NUDC: variants seen among roughly 807,000 people sequenced by gnomAD.
NUDC encodes nuclear migration protein nudC.
Under a neutral mutation model 45.0 loss-of-function variants are expected in NUDC, and 14 were observed. The ratio of observed to expected loss-of-function variants is 0.31; its 90% CI spans 0.21 to 0.49. The LOEUF is 0.49. Among genes scored for constraint, NUDC ranks in the 20% least tolerant of loss-of-function variants. NUDC has a pLI of 0.99. For missense variants in NUDC, 323 were observed against 426.2 expected, an observed-to-expected ratio of 0.76 and a Z score of 2.13; for synonymous variants, 153 against 156.7, an observed-to-expected ratio of 0.98 and a Z score of 0.17.
At chr1:26,936,165 A>T (rs868268018) in intron 2 of NUDC, among the ~76,000 whole-genome samples, 5 of 10,498 alleles carry the variant, frequency 4.8e-4, no homozygotes, top group African/African-American at 1.5e-3. Context: ...ATATATATAT[A>T]TTTTTTTTTT....
At chr1:26,916,175 C>T (rs2082061040) in intron 3 of NUDC, among the ~76,000 whole-genome samples, 1 of 150,538 alleles carries the variant, frequency 6.6e-6, no homozygotes, top group African/African-American at 2.4e-5. Flanking sequence ...TCACTTGAGG[C>T]TTCAGGAGTT....
At chr1:26,927,264 C>CGTGTGTTTGT (rs371488078) in intron 2 of NUDC, among the ~76,000 whole-genome samples, 1 of 91,804 alleles carries the variant, frequency 1.1e-5, no homozygotes, top group African/African-American at 4.8e-5. Flanking sequence ...AGAGATGAAC[C>CGTGTGTTTGT]GTGTGTGTGT....
chr1:26,932,340 C>G (rs2082190588), intron 2 of NUDC, among the ~76,000 whole-genome samples: 1 of 151,940 alleles, frequency 6.6e-6, no homozygotes, highest in African/African-American at 2.4e-5. Flanking sequence ...CCATGCCGGG[C>G]TAATTATTGT....
In NUDC at chr1:26,924,081, T is replaced by A. The variant is rs370954470; in HGVS notation, c.82-8T>A. 67 of 1,613,704 alleles carry A rather than the reference T, an allele frequency of 4.2e-5. No homozygotes were observed. Among genetic ancestry groups the A allele is most frequent in the Non-Finnish European group, 5.5e-5 (65 of 1,179,800 alleles). On this transcript the variant is annotated splice_region_variant and splice_polypyrimidine_tract_variant and intron_variant, in intron 1 of 8. Coordinates refer to ENST00000321265, the MANE Select transcript of NUDC (RefSeq NM_006600.4). ...CTCTACTACTTTAATCTTCTCCCCC[T>A]CTTTCAGCTTGTGAACACCTTCTTC...
intron 2 of NUDC, among the ~76,000 whole-genome samples, chr1:26,932,594 A>G (rs1374725600): frequency 2.0e-5 from 3 of 152,064 alleles, no homozygotes; most frequent in African/African-American, 7.2e-5. Context: ...AAGTTCTAGG[A>G]TAACAGATGT....
exon 3 of NUDC, chr1:26,911,169 T>C (rs1230752048): frequency 2.1e-6 from 1 of 470,868 alleles, no homozygotes; most frequent in Non-Finnish European, 4.4e-6. Flanking sequence ...GAAATGGCAG[T>C]GAACTTGTCT....
intron 2 of NUDC, among the ~76,000 whole-genome samples, chr1:26,903,983 C>T (rs982131925): frequency 9.0e-5 from 13 of 144,252 alleles, no homozygotes; most frequent in Non-Finnish European, 1.4e-4. Flanking sequence ...TGCACTCCAG[C>T]CTGGGTGACA....
At chr1:26,927,478 A>G (rs1481126412) in intron 2 of NUDC, among the ~76,000 whole-genome samples, 1 of 151,106 alleles carries the variant, frequency 6.6e-6, no homozygotes, top group Non-Finnish European at 1.5e-5. Flanking sequence ...GCTCACTGCA[A>G]TCCCCGCCTC....
chr1:26,908,400 G>A (rs1225342461), intron 2 of NUDC, among the ~76,000 whole-genome samples: 2 of 152,142 alleles, frequency 1.3e-5, no homozygotes, highest in Non-Finnish European at 2.9e-5. Flanking sequence ...TATCTCTTTA[G>A]TTTTGCCATA....
chr1:26,940,877 G>A (rs1020432298), intron 2 of NUDC, among the ~76,000 whole-genome samples: 2 of 151,566 alleles, frequency 1.3e-5, no homozygotes, highest in Non-Finnish European at 2.9e-5. Context: ...TAGTAGAGAC[G>A]GGGTTTCACC....
intron 2 of NUDC, among the ~76,000 whole-genome samples, chr1:26,904,331 A>C (rs1343539623): frequency 6.6e-6 from 1 of 151,266 alleles, no homozygotes; most frequent in Non-Finnish European, 1.5e-5. Context: ...CACCACACCC[A>C]GCTAATTTTT....
intron 2 of NUDC, among the ~76,000 whole-genome samples, chr1:26,933,031 G>A (rs905304245): frequency 1.3e-5 from 2 of 151,744 alleles, no homozygotes; most frequent in Non-Finnish European, 2.9e-5. Context: ...GCAGTGGCAC[G>A]ATCTTGGCTC....
intron 2 of NUDC, among the ~76,000 whole-genome samples, chr1:26,927,653 C>T (rs1480245516): frequency 6.6e-6 from 1 of 151,942 alleles, no homozygotes; most frequent in Non-Finnish European, 1.5e-5. Context: ...GCTTCGGCCC[C>T]TCAAAGTGCT....
At chr1:26,904,946 C>A (rs187721946) in intron 2 of NUDC, among the ~76,000 whole-genome samples, 86 of 150,674 alleles carry the variant, frequency 5.7e-4, no homozygotes, top group African/African-American at 2.0e-3. Context: ...AAGTGATTCT[C>A]CTGCATCAGC....
intron 3 of NUDC, chr1:26,914,088 T>G: frequency 5.1e-6 from 3 of 587,918 alleles, no homozygotes; most frequent in Non-Finnish European, 5.1e-6. Flanking sequence ...ACACAGACAT[T>G]GCCCCTGGCA....
At chr1:26,908,120 A>G (rs914049374) in intron 2 of NUDC, among the ~76,000 whole-genome samples, 1 of 152,094 alleles carries the variant, frequency 6.6e-6, no homozygotes, top group Non-Finnish European at 1.5e-5. Context: ...CGGAGGTTGC[A>G]GTGAGCCGAG....
chr1:26,911,650 G>A lies in NUDC; in HGVS notation c.93+415G>A, dbSNP rs1339347871. ...GTGGGGACCACCAAAAGCCTCCCAG[G>A]CAGCTGGAACACTGTGTCCAAACCA... On this transcript the variant is annotated intron_variant, in intron 3 of 6. Transcript: ENST00000435827. The A allele has an allele frequency of 4.6e-6, 3 of 645,832 alleles. No homozygotes were observed. In the African/African-American group the frequency reaches 5.4e-5, roughly 12 times the overall value. The allele number at this position is 645,832 out of a possible 1,614,324, so 40.0% of individuals were successfully genotyped here.
intron 3 of NUDC, among the ~76,000 whole-genome samples, chr1:26,915,032 TATATATATATACACATACATACATAC>T (rs2082054777): frequency 6.8e-6 from 1 of 146,116 alleles, no homozygotes; most frequent in South Asian, 2.1e-4. Context: ...TGTATATGTG[TATATATATATACACATACATACATAC>T]ATATATATAT....
chr1:26,904,469 A>C (rs2081994151), intron 2 of NUDC, among the ~76,000 whole-genome samples: 1 of 152,090 alleles, frequency 6.6e-6, no homozygotes, highest in Non-Finnish European at 1.5e-5. Flanking sequence ...TCTGTCGCCT[A>C]GGCTAGAGTC....
Sources: gnomAD v4.1 joint callset for allele counts (sites outside exome capture counted in the v4.1 genomes callset) on GRCh38, gnomAD v4.1.1 for gene constraint, MANE v1.5 for transcripts, NCBI Gene and HGNC (gene_info 2026-07-23, HGNC 2026-07-21) for gene names.